The following KCNQ5 variants were observed in gnomAD, a reference collection of about 807,000 sequenced individuals.
KCNQ5 encodes the protein potassium voltage-gated channel subfamily Q member 5.
Under a neutral mutation model 98.2 loss-of-function variants are expected in KCNQ5, and 30 were observed. The ratio of observed to expected loss-of-function variants is 0.31; its 90% confidence interval spans 0.23 to 0.41. KCNQ5 has a LOEUF of 0.41. KCNQ5 is among the 10% of genes least tolerant of loss of function. The pLI, the probability that KCNQ5 is intolerant of heterozygous loss-of-function variation, is 1.00. For synonymous variants in KCNQ5, 458 were observed against 449.4 expected (o/e 1.02, Z -0.24); for missense variants, 835 against 1,182.5 (o/e 0.71, Z 4.31).
At chr6:72,952,104 T>C (rs1455916902) in intron 1 of KCNQ5, among the ~76,000 whole-genome samples, 1 of 152,176 alleles carries the variant, frequency 6.6e-6, no homozygotes, top group Non-Finnish European at 1.5e-5. Flanking sequence ...GAAGGATGGA[T>C]GGTGAAATGG....
intron 1 of KCNQ5, among the ~76,000 whole-genome samples, chr6:72,635,670 G>GTTTTTTTTTTTTTTT (rs528990234): frequency 3.4e-4 from 22 of 65,076 alleles, no homozygotes; most frequent in Non-Finnish European, 4.4e-4. Context: ...ATTGCTCCTA[G>GTTTTTTTTTTTTTTT]TTTTTTTTTT....
intron 1 of KCNQ5, among the ~76,000 whole-genome samples, chr6:72,694,709 T>G (rs1345928131): frequency 6.6e-6 from 1 of 152,224 alleles, no homozygotes; most frequent in African/African-American, 2.4e-5. Flanking sequence ...ACTACACCTT[T>G]TTTTAAAATA....
chr6:73,150,972 C>T, intron 10 of KCNQ5, among the ~76,000 whole-genome samples: 1 of 151,670 alleles, frequency 6.6e-6, no homozygotes, highest in East Asian at 1.9e-4. Flanking sequence ...CATGAGGACT[C>T]CTTGTGGTGA....
intron 1 of KCNQ5, among the ~76,000 whole-genome samples, chr6:72,747,452 C>T (rs571534145): frequency 3.9e-5 from 6 of 152,108 alleles, no homozygotes; most frequent in Non-Finnish European, 8.8e-5. Flanking sequence ...TGGCCCATGA[C>T]ACAAAATCGG....
intron 9 of KCNQ5, among the ~76,000 whole-genome samples, chr6:73,128,207 G>A (rs1332697114): frequency 2.0e-5 from 3 of 152,172 alleles, no homozygotes; most frequent in South Asian, 2.1e-4. Flanking sequence ...AGTCTCAACT[G>A]AGCCTGCTGT....
chr6:73,041,533 A>G (rs1315186421), intron 2 of KCNQ5, among the ~76,000 whole-genome samples: 4 of 152,200 alleles, frequency 2.6e-5, no homozygotes, highest in Non-Finnish European at 4.4e-5. Context: ...AGCAAAATGA[A>G]GCTCTATTTT....
intron 1 of KCNQ5, among the ~76,000 whole-genome samples, chr6:72,719,255 C>T (rs1394942189): frequency 6.6e-6 from 1 of 152,142 alleles, no homozygotes; most frequent in African/African-American, 2.4e-5. Context: ...GAAAGACTGA[C>T]AATGCTCATT....
At chr6:72,935,685 T>G (rs73547850) in intron 1 of KCNQ5, among the ~76,000 whole-genome samples, 1 of 152,182 alleles carries the variant, frequency 6.6e-6, no homozygotes, top group East Asian at 1.9e-4. Context: ...TTCCTCTTTA[T>G]AGCAAAACCT....
chr6:72,635,026 C>A (rs961330126), intron 1 of KCNQ5, among the ~76,000 whole-genome samples: 4 of 150,904 alleles, frequency 2.7e-5, no homozygotes, highest in African/African-American at 9.7e-5. Flanking sequence ...TAATTTGTTC[C>A]CCTCACCCTT....
chr6:72,726,192 T>A (rs987434633), intron 1 of KCNQ5, among the ~76,000 whole-genome samples: 7 of 151,596 alleles, frequency 4.6e-5, no homozygotes, highest in Non-Finnish European at 7.4e-5. Flanking sequence ...GATAAAAATC[T>A]GTTTTTTAAA....
chr6:72,658,664 T>C (rs1487635969), intron 1 of KCNQ5, among the ~76,000 whole-genome samples: 1 of 144,092 alleles, frequency 6.9e-6, no homozygotes, highest in Non-Finnish European at 1.5e-5. Context: ...TACTGCAACC[T>C]CCGTCTCTCG....
At chr6:73,044,076 A>G (rs1236595458) in intron 3 of KCNQ5, among the ~76,000 whole-genome samples, 1 of 152,194 alleles carries the variant, frequency 6.6e-6, no homozygotes, top group African/African-American at 2.4e-5. Flanking sequence ...ACTTGAGCCC[A>G]GGAGTTTAAG....
chr6:72,738,759 G>C (rs1770979373), intron 1 of KCNQ5, among the ~76,000 whole-genome samples: 1 of 152,112 alleles, frequency 6.6e-6, no homozygotes, highest in Non-Finnish European at 1.5e-5. Context: ...AGACATGGAG[G>C]AACGTTCAAT....
In KCNQ5 at chr6:73,138,145, CTG is replaced by C. The variant is rs1776548103; in HGVS notation, c.1468+4508_1468+4509del. Among the ~76,000 whole-genome samples the C allele has an allele frequency of 2.0e-5, 3 of 152,186 alleles. No individual in the cohort carries two copies. The South Asian group carries it at 6.2e-4, about 31-fold the overall frequency. On this transcript the variant is annotated intron_variant, in intron 10 of 13. Transcript: ENST00000370398. ...GACTCAGGATAACAGCCATACTGGT[CTG>C]TGTCTATTTTCCCTGGAGGGAGGCC...
At chr6:72,957,820 AG>A (rs896422075) in intron 1 of KCNQ5, among the ~76,000 whole-genome samples, 3 of 152,316 alleles carry the variant, frequency 2.0e-5, no homozygotes, top group South Asian at 4.1e-4. Flanking sequence ...CCTGAGAAAA[AG>A]GTGGGTAGCT....
rs548777309 is a variant in KCNQ5, at chr6:72,967,495, A to G, written c.399-36413A>G. On this transcript the variant is annotated intron_variant, in intron 1 of 13. Transcript: ENST00000370398. Reference sequence around the variant, plus strand: ...ATATATTTTTCATTTTTTTCTTTTTATTTCCTTCAACCATATGATGCAATC... The same window carrying G: ...ATATATTTTTCATTTTTTTCTTTTTGTTTCCTTCAACCATATGATGCAATC... Among the ~76,000 whole-genome samples, 136 of 151,916 alleles carry G rather than the reference A, an allele frequency of 9.0e-4. 2 individuals carry two copies. In the South Asian group the frequency reaches 0.022, roughly 25 times the overall value.
chr6:72,868,722 G>T (rs1312269273), intron 1 of KCNQ5, among the ~76,000 whole-genome samples: 1 of 152,178 alleles, frequency 6.6e-6, no homozygotes, highest in Non-Finnish European at 1.5e-5. Flanking sequence ...TAAATGGATG[G>T]CAGTCTACAT....
At chr6:73,007,138 G>A (rs1040302425) in intron 2 of KCNQ5, among the ~76,000 whole-genome samples, 3 of 152,168 alleles carry the variant, frequency 2.0e-5, no homozygotes, top group Admixed American at 6.5e-5. Context: ...CAACGCTCTT[G>A]TAAACTTGTA....
chr6:73,063,199 C>T (rs1342044028), intron 3 of KCNQ5, among the ~76,000 whole-genome samples: 1 of 152,060 alleles, frequency 6.6e-6, no homozygotes, highest in Non-Finnish European at 1.5e-5. Flanking sequence ...TTTTGTTCTC[C>T]TTTAAACAGA....
Sources: gnomAD v4.1 joint callset for allele counts (sites outside exome capture counted in the v4.1 genomes callset) on GRCh38, gnomAD v4.1.1 for gene constraint, MANE v1.5 for transcripts, NCBI Gene and HGNC (gene_info 2026-07-23, HGNC 2026-07-21) for gene names.